The following EDAR variants were observed in gnomAD, a reference collection of about 807,000 sequenced individuals.
EDAR encodes the protein ectodysplasin A receptor.
In EDAR, 38 loss-of-function variants were observed where a neutral mutation model predicts 51.3. The observed-to-expected ratio is 0.74, with a 90% CI of 0.57 to 0.97. The LOEUF is 0.97. Ranked by LOEUF, EDAR falls within the 50% of genes least tolerant of loss-of-function variation. The pLI is 0.00. For missense variants in EDAR, 528 were observed against 595.0 expected, an observed-to-expected ratio of 0.89 and a Z score of 1.17; for synonymous variants, 227 against 242.1, an observed-to-expected ratio of 0.94 and a Z score of 0.58.
chr2:108,926,955 G>A (rs1471040700), intron 4 of EDAR, among the ~76,000 whole-genome samples: 1 of 152,222 alleles, frequency 6.6e-6, no homozygotes, highest in African/African-American at 2.4e-5. Context: ...AGGAAGTGGG[G>A]CCTCCAGGGT....
At chr2:108,937,532 T>A (rs1007714056) in intron 1 of EDAR, among the ~76,000 whole-genome samples, 3 of 151,672 alleles carry the variant, frequency 2.0e-5, no homozygotes, top group African/African-American at 7.3e-5. Flanking sequence ...TGTAGGTGAG[T>A]GTATGTGTGT....
chr2:108,915,082 T>C (rs1697003052), intron 5 of EDAR, among the ~76,000 whole-genome samples: 1 of 151,880 alleles, frequency 6.6e-6, no homozygotes, highest in African/African-American at 2.4e-5. Context: ...CTACTTTTTG[T>C]ATTTTTTATA....
At chr2:108,947,466 T>A (rs960382703) in intron 1 of EDAR, among the ~76,000 whole-genome samples, 6 of 152,212 alleles carry the variant, frequency 3.9e-5, no homozygotes, top group Admixed American at 2.0e-4. Flanking sequence ...ATTGCCTTGG[T>A]AGAGGTTCTC....
chr2:108,979,509 C>T (rs1378802401), intron 1 of EDAR, among the ~76,000 whole-genome samples: 6 of 151,570 alleles, frequency 4.0e-5, no homozygotes, highest in East Asian at 3.9e-4. Context: ...ACGCATGGCA[C>T]ACCCCAGGAG....
chr2:108,922,763 C>G (rs1231333928), intron 5 of EDAR, among the ~76,000 whole-genome samples: 1 of 152,002 alleles, frequency 6.6e-6, no homozygotes, highest in Non-Finnish European at 1.5e-5. Flanking sequence ...CGTCTCTCCC[C>G]AGACCACACA....
intron 9 of EDAR, among the ~76,000 whole-genome samples, chr2:108,908,631 G>A (rs1484541676): frequency 1.3e-5 from 2 of 152,168 alleles, no homozygotes; most frequent in Non-Finnish European, 2.9e-5. Context: ...GGTTCATGCC[G>A]CCCTGTGGCT....
At chr2:108,947,143 CTG>C (rs1697729470) in intron 1 of EDAR, among the ~76,000 whole-genome samples, 1 of 152,212 alleles carries the variant, frequency 6.6e-6, no homozygotes, top group African/African-American at 2.4e-5. Flanking sequence ...ATGCAAAAGT[CTG>C]AAACCTGGCC....
Position 108,906,447 on chromosome 2 carries a change from G to T in EDAR, c.964-79C>A. On this transcript the variant is annotated intron_variant, in intron 10 of 11. Coordinates refer to ENST00000258443, the MANE Select transcript of EDAR (RefSeq NM_022336.4). ...GAGGCAAATCCTCCATGTCAGCAGG[G>T]GCAGGCAGCAGCTACGCCCAACACC... 5.4e-6 allele frequency: 8 copies of T among 1,489,980 alleles called. No homozygotes were observed. In the South Asian group the frequency reaches 6.8e-5, roughly 13 times the overall value. 92.3% of individuals were successfully genotyped at this position (1,489,980 alleles called of 1,614,324 possible).
At chr2:108,975,881 C>CAG (rs1429336839) in intron 1 of EDAR, among the ~76,000 whole-genome samples, 1 of 152,136 alleles carries the variant, frequency 6.6e-6, no homozygotes, top group Non-Finnish European at 1.5e-5. Context: ...GTGGAAAGGG[C>CAG]AGGGCAAAGA....
In EDAR at chr2:108,897,085, C is replaced by T. The variant is rs1463245841; in HGVS notation, c.1169G>A (p.Gly390Asp). 1 of 1,614,146 alleles carries T rather than the reference C, an allele frequency of 6.2e-7. No homozygotes were observed. Among genetic ancestry groups the T allele is most frequent in the Non-Finnish European group, 8.5e-7 (1 of 1,180,020 alleles). Residue 390 changes from glycine to aspartate, a missense_variant, in exon 12 of 12, where the codon GGC becomes GAC. Physicochemically the swap from Gly to Asp is moderately conservative, Grantham distance 94. Coordinates refer to ENST00000258443, the MANE Select transcript of EDAR (RefSeq NM_022336.4). ...AAAGAGTTGCATGCCGTCTGTCATGCCCCCAATCTCATCCCTCTTCAGGCC... is the reference window on the plus strand; with the variant it reads ...AAAGAGTTGCATGCCGTCTGTCATGTCCCCAATCTCATCCCTCTTCAGGCC... ...SFGLKRDEIGGMTDGMQLFDR... is the reference protein window; with the variant it reads ...SFGLKRDEIGDMTDGMQLFDR...
chr2:108,905,046 GACAAA>G (rs747354317), intron 11 of EDAR, among the ~76,000 whole-genome samples: 74 of 152,140 alleles, frequency 4.9e-4, no homozygotes, highest in African/African-American at 1.4e-3. Context: ...TTTAATTAAA[GACAAA>G]ACAAAACAAA....
chr2:108,898,297 C>G (rs189858308), intron 11 of EDAR, among the ~76,000 whole-genome samples: 1 of 152,080 alleles, frequency 6.6e-6, no homozygotes, highest in Non-Finnish European at 1.5e-5. Flanking sequence ...GTAAAAACTC[C>G]TCTGCCCCCG....
chr2:108,947,579 T>G (rs945081828), intron 1 of EDAR, among the ~76,000 whole-genome samples: 2 of 152,190 alleles, frequency 1.3e-5, no homozygotes, highest in Non-Finnish European at 2.9e-5. Context: ...AATTCTTGTC[T>G]TCTGCACCCC....
chr2:108,937,922 A>G (rs1275497105), intron 1 of EDAR, among the ~76,000 whole-genome samples: 1 of 152,216 alleles, frequency 6.6e-6, no homozygotes, highest in Non-Finnish European at 1.5e-5. Context: ...TTGAAAGTTT[A>G]AAATCCAAGT....
At chr2:108,980,528 A>C (rs1311918780) in intron 1 of EDAR, among the ~76,000 whole-genome samples, 1 of 152,132 alleles carries the variant, frequency 6.6e-6, no homozygotes, top group Non-Finnish European at 1.5e-5. Flanking sequence ...ATATTTACAT[A>C]TATATATTTA....
In EDAR at chr2:108,923,573, A is replaced by C. The variant is rs1328039366; in HGVS notation, c.357-120T>G. 46 of 827,026 alleles carry C rather than the reference A, an allele frequency of 5.6e-5. No homozygotes were observed. The Admixed American group carries it at 7.1e-4, about 13-fold the overall frequency. 51.2% of individuals were successfully genotyped at this position (827,026 alleles called of 1,614,324 possible). A position where few individuals can be genotyped will look rare whatever the true frequency, so the allele number is the denominator to read the frequency against. On this transcript the variant is annotated intron_variant, in intron 4 of 11. Transcript: ENST00000258443. ...CCACAATCAAGTCGGGCATGAGGCC[A>C]CGCCCACTCAGTCACCTGCTCTGTC...
intron 5 of EDAR, among the ~76,000 whole-genome samples, chr2:108,920,706 G>C (rs1022453314): frequency 2.0e-5 from 3 of 152,184 alleles, no homozygotes; most frequent in African/African-American, 7.2e-5. Flanking sequence ...AAACTGGAAT[G>C]ATTTTATTCC....
intron 1 of EDAR, among the ~76,000 whole-genome samples, chr2:108,964,724 G>A (rs1030499841): frequency 3.9e-5 from 6 of 152,178 alleles, no homozygotes; most frequent in Non-Finnish European, 7.3e-5. Context: ...CACACTCTCC[G>A]TTACGCCACA....
At chr2:108,930,273 G>A (rs1697342192) in intron 2 of EDAR, 31 bp from the exon 3 acceptor site, 4 of 1,613,720 alleles carry the variant, frequency 2.5e-6, no homozygotes, top group Non-Finnish European at 3.4e-6. Flanking sequence ...TGTGGCCTCC[G>A]TACCTCCTTA....
Sources: gnomAD v4.1 joint callset for allele counts (sites outside exome capture counted in the v4.1 genomes callset) on GRCh38, gnomAD v4.1.1 for gene constraint, MANE v1.5 for transcripts, NCBI Gene and HGNC (gene_info 2026-07-23, HGNC 2026-07-21) for gene names.